Variants in IFTAP observed in about 807,000 individuals in gnomAD.
The protein encoded by IFTAP is intraflagellar transport-associated protein.
Under a neutral mutation model 19.4 loss-of-function variants are expected in IFTAP, and 19 were observed. That is an observed-to-expected ratio of 0.98 (90% CI 0.68 to 1.44). IFTAP has a LOEUF of 1.44. IFTAP is among the 40% of genes most tolerant of loss of function. The pLI is 0.00. For synonymous variants in IFTAP, 85 were observed against 83.5 expected, an observed-to-expected ratio of 1.02 and a Z score of -0.10; for missense variants, 240 against 253.6, an observed-to-expected ratio of 0.95 and a Z score of 0.36.
intron 1 of IFTAP, among the ~76,000 whole-genome samples, chr11:36,604,645 G>T (rs1166336580): frequency 6.6e-6 from 1 of 152,086 alleles, no homozygotes; most frequent in Non-Finnish European, 1.5e-5. Flanking sequence ...ATACCTGCCA[G>T]GGTAAGATTG....
chr11:36,625,319 A>G (rs73437965), intron 2 of IFTAP, among the ~76,000 whole-genome samples: 1 of 152,034 alleles, frequency 6.6e-6, no homozygotes, highest in South Asian at 2.1e-4. Flanking sequence ...TAATATTTTC[A>G]TTCATTTATA....
intron 2 of IFTAP, among the ~76,000 whole-genome samples, chr11:36,629,746 G>A (rs757737362): frequency 3.5e-4 from 53 of 151,178 alleles, no homozygotes; most frequent in Non-Finnish European, 7.1e-4. Context: ...CCCTATAGGT[G>A]TGGTGGGGGC....
chr11:36,624,962 T>A (rs527330756), intron 2 of IFTAP, among the ~76,000 whole-genome samples: 1 of 152,344 alleles, frequency 6.6e-6, no homozygotes, highest in South Asian at 2.1e-4. Flanking sequence ...TTATATGCAG[T>A]TAACTAATAA....
intron 5 of IFTAP, among the ~76,000 whole-genome samples, chr11:36,648,932 C>T (rs1386249309): frequency 6.6e-6 from 1 of 152,122 alleles, no homozygotes; most frequent in Admixed American, 6.6e-5. Context: ...TGCAAATGTG[C>T]AACTTGAAAG....
chr11:36,645,356 G>T (rs1308424248), intron 4 of IFTAP, among the ~76,000 whole-genome samples: 1 of 152,110 alleles, frequency 6.6e-6, no homozygotes, highest in Non-Finnish European at 1.5e-5. Flanking sequence ...ACTTCAACCA[G>T]TCTTGCCGTC....
At chr11:36,627,430 A>G (rs1489024655) in intron 2 of IFTAP, among the ~76,000 whole-genome samples, 1 of 151,310 alleles carries the variant, frequency 6.6e-6, no homozygotes, top group African/African-American at 2.5e-5. Context: ...CCAGATAAGC[A>G]TGTGTCCTTG....
chr11:36,638,630 A>G (rs1049255476), intron 4 of IFTAP, among the ~76,000 whole-genome samples: 1 of 152,244 alleles, frequency 6.6e-6, no homozygotes, highest in Non-Finnish European at 1.5e-5. Context: ...CAGGAATGTG[A>G]GCAGAAGGCA....
chr11:36,639,936 A>C (rs1305578461), intron 4 of IFTAP, among the ~76,000 whole-genome samples: 1 of 152,198 alleles, frequency 6.6e-6, no homozygotes, highest in African/African-American at 2.4e-5. Flanking sequence ...AACTTTAAGC[A>C]GCTTTAGGCC....
At position 36,608,313 on chromosome 11, in the gene IFTAP, AT is replaced by A; in HGVS notation, c.-23-1763del. 2.0e-5 allele frequency among the ~76,000 whole-genome samples: 3 copies of A among 152,310 alleles called. No individual in the cohort carries two copies. The South Asian group carries it at 6.2e-4, about 32-fold the overall frequency. On this transcript the variant is annotated intron_variant, in intron 1 of 5. Transcript: ENST00000334307. ...TTTATATCATACACATGCTATTTGTATTTTTAAAATGATAAATGTATAAAGG... is the reference window on the plus strand; with the variant it reads ...TTTATATCATACACATGCTATTTGTATTTTAAAATGATAAATGTATAAAGG...
chr11:36,603,994 G>A (rs182172278), intron 1 of IFTAP, among the ~76,000 whole-genome samples: 41 of 151,678 alleles, frequency 2.7e-4, no homozygotes, highest in African/African-American at 8.5e-4. Flanking sequence ...TTTTTGTTAA[G>A]GCATCCTTTG....
chr11:36,601,375 T>C (rs1851503389), intron 1 of IFTAP, among the ~76,000 whole-genome samples: 1 of 152,190 alleles, frequency 6.6e-6, no homozygotes, highest in Non-Finnish European at 1.5e-5. Context: ...GTTAGTATGA[T>C]GTATTGTCAA....
chr11:36,641,231 T>G (rs895554130), intron 4 of IFTAP, among the ~76,000 whole-genome samples: 3 of 152,124 alleles, frequency 2.0e-5, no homozygotes, highest in African/African-American at 7.2e-5. Flanking sequence ...AAATAATGCT[T>G]CTCAATATTT....
At chr11:36,658,817 C>A (rs1854100881) in intron 5 of IFTAP, among the ~76,000 whole-genome samples, 1 of 151,988 alleles carries the variant, frequency 6.6e-6, no homozygotes, top group Admixed American at 6.6e-5. Context: ...GAGCATGGTA[C>A]AAATGGAGCA....
chr11:36,621,860 CTA>C (rs1852302865), intron 2 of IFTAP, among the ~76,000 whole-genome samples: 1 of 151,906 alleles, frequency 6.6e-6, no homozygotes. Context: ...GAATAGCAAT[CTA>C]TATGTTTATA....
intron 4 of IFTAP, among the ~76,000 whole-genome samples, chr11:36,644,269 C>T (rs1423843148): frequency 6.6e-6 from 1 of 152,104 alleles, no homozygotes. Context: ...CACTGGCCAT[C>T]AGAGAAATGC....
chr11:36,642,111 A>AGAAATAAAAAAATTGAT (rs1853234639), intron 4 of IFTAP, among the ~76,000 whole-genome samples: 1 of 152,182 alleles, frequency 6.6e-6, no homozygotes, highest in Admixed American at 6.6e-5. Context: ...GACCGCTAGC[A>AGAAATAAAAAAATTGAT]AGACTAATAA....
At chr11:36,602,098 A>G (rs1851531313) in intron 1 of IFTAP, among the ~76,000 whole-genome samples, 1 of 152,250 alleles carries the variant, frequency 6.6e-6, no homozygotes, top group Non-Finnish European at 1.5e-5. Flanking sequence ...GAAGCATTGT[A>G]TTACCTCTTA....
At chr11:36,655,371 C>T (rs1055284599) in intron 5 of IFTAP, among the ~76,000 whole-genome samples, 1 of 152,184 alleles carries the variant, frequency 6.6e-6, no homozygotes, top group African/African-American at 2.4e-5. Context: ...TCCCCTCCAA[C>T]TTAGTCTGGG....
At chr11:36,655,724 C>T (rs1394360395) in intron 5 of IFTAP, among the ~76,000 whole-genome samples, 1 of 152,152 alleles carries the variant, frequency 6.6e-6, no homozygotes, top group Non-Finnish European at 1.5e-5. Context: ...TTTAGTATCT[C>T]AGTATCTAAC....
Sources: gnomAD v4.1 joint callset for allele counts (sites outside exome capture counted in the v4.1 genomes callset) on GRCh38, gnomAD v4.1.1 for gene constraint, MANE v1.5 for transcripts, NCBI Gene and HGNC (gene_info 2026-07-23, HGNC 2026-07-21) for gene names.